AEBP2: variants seen among roughly 807,000 people sequenced by gnomAD.
AEBP2 encodes the protein AE binding protein 2, also known as zinc finger protein AEBP2.
In AEBP2, 10 loss-of-function variants were observed where a neutral mutation model predicts 50.8. That is an observed-to-expected ratio of 0.20 (90% CI 0.12 to 0.33). The LOEUF (loss-of-function observed/expected upper bound fraction) is 0.33. AEBP2 is among the 10% of genes least tolerant of loss of function. AEBP2 has a pLI of 1.00. For missense variants in AEBP2, 570 were observed against 688.0 expected (o/e 0.83, Z 1.92); for synonymous variants, 296 against 261.3 (o/e 1.13, Z -1.28).
rs542922548 is a variant in AEBP2 at position 19,419,583 on chromosome 12, C to T, written c.-17+15367C>T. ...CAGCCTGGGCGACAGAGAGAGACTCCGTCTCAAAAAATAATAATAAAAAAA... is the reference window on the plus strand; with the variant it reads ...CAGCCTGGGCGACAGAGAGAGACTCTGTCTCAAAAAATAATAATAAAAAAA... On this transcript the variant is annotated intron_variant, in intron 1 of 3. Coordinates refer to the AEBP2 transcript ENST00000538425. Among the ~76,000 whole-genome samples the T allele has an allele frequency of 2.7e-5, 4 of 149,080 alleles. No homozygotes were observed. The South Asian group carries it at 6.4e-4, about 24-fold the overall frequency.
At chr12:19,435,657 G>A (rs931979075), upstream of AEBP2, among the ~76,000 whole-genome samples, 5 of 151,998 alleles carry the variant, frequency 3.3e-5, no homozygotes, top group East Asian at 1.9e-4. Context: ...ATGCTTTTCC[G>A]TATATTGCTT....
intron 4 of AEBP2, among the ~76,000 whole-genome samples, chr12:19,495,460 A>T (rs910422307): frequency 6.6e-6 from 1 of 152,162 alleles, no homozygotes; most frequent in African/African-American, 2.4e-5. Context: ...AACAAACCAG[A>T]AAACTTTATA....
intron 1 of AEBP2, among the ~76,000 whole-genome samples, chr12:19,428,039 C>A (rs1318011014): frequency 6.6e-6 from 1 of 151,950 alleles, no homozygotes; most frequent in Non-Finnish European, 1.5e-5. Context: ...GAGTTCGAGA[C>A]CAGCCTGGGC....
chr12:19,487,091 A>G (rs989322076), intron 3 of AEBP2, among the ~76,000 whole-genome samples: 4 of 152,134 alleles, frequency 2.6e-5, no homozygotes, highest in African/African-American at 4.8e-5. Flanking sequence ...TGCCTATTCA[A>G]GTCTTTGCCA....
At chr12:19,473,656 T>C (rs1417982447) in intron 3 of AEBP2, among the ~76,000 whole-genome samples, 1 of 152,206 alleles carries the variant, frequency 6.6e-6, no homozygotes, top group Non-Finnish European at 1.5e-5. Flanking sequence ...TTCTCCCGCC[T>C]TGGCCACCCA....
intron 3 of AEBP2, among the ~76,000 whole-genome samples, chr12:19,485,740 A>G (rs16915522): frequency 0.049 from 7,431 of 150,334 alleles, 415 homozygotes; most frequent in Admixed American, 0.14. Context: ...GCAGGCCTCT[A>G]TACTCAGGGA....
rs1948290325 is a variant in AEBP2, at chr12:19,457,433, G to A, written c.672-5077G>A. On this transcript the variant is annotated intron_variant, in intron 1 of 7. Coordinates refer to ENST00000266508, the MANE Select transcript of AEBP2 (RefSeq NM_153207.5). ...CAAATTTCCACAAGGAGGTATTAAT[G>A]GTGATACCACGTTCACGCTCAGCTT... The A allele has an allele frequency of 2.6e-6, 4 of 1,516,974 alleles. No individual in the cohort carries two copies. The South Asian group carries it at 4.8e-5, about 18-fold the overall frequency. The allele number at this position is 1,516,974 out of a possible 1,614,324, so 94.0% of individuals were successfully genotyped here.
chr12:19,471,194 T>C (rs11044582), intron 2 of AEBP2, among the ~76,000 whole-genome samples: 3,203 of 152,108 alleles, frequency 0.021, 41 homozygotes, highest in East Asian at 0.042. Flanking sequence ...TAGCAGTTCA[T>C]TGTAGCCTTG....
intron 1 of AEBP2, among the ~76,000 whole-genome samples, chr12:19,409,785 ATCT>A (rs1334613354): frequency 4.6e-5 from 7 of 152,212 alleles, no homozygotes; most frequent in African/African-American, 1.7e-4. Flanking sequence ...TTGCCTAGGA[ATCT>A]TCTTTTCTAA....
chr12:19,475,789 T>C (rs78415539), intron 3 of AEBP2, among the ~76,000 whole-genome samples: 3,273 of 152,308 alleles, frequency 0.021, 41 homozygotes, highest in East Asian at 0.042. Flanking sequence ...GCCATTATTG[T>C]AGGAATAAGG....
intron 3 of AEBP2, among the ~76,000 whole-genome samples, chr12:19,488,292 T>C (rs1442890391): frequency 7.2e-6 from 1 of 139,814 alleles, no homozygotes; most frequent in Non-Finnish European, 1.6e-5. Context: ...ATTTTTGTAT[T>C]TTTTTTTTTT....
intron 3 of AEBP2, among the ~76,000 whole-genome samples, chr12:19,474,807 C>T (rs1437058389): frequency 2.6e-5 from 4 of 151,584 alleles, no homozygotes; most frequent in Non-Finnish European, 5.9e-5. Flanking sequence ...TTTTTTCCCC[C>T]CTCAAGATGG....
chr12:19,491,318 G>C (rs1311554900), intron 3 of AEBP2, among the ~76,000 whole-genome samples: 1 of 152,180 alleles, frequency 6.6e-6, no homozygotes, highest in Non-Finnish European at 1.5e-5. Context: ...TCTTAGGGTT[G>C]TTGTATGAAT....
chr12:19,457,073 C>G, intron 1 of AEBP2: 1 of 1,606,322 alleles, frequency 6.2e-7, no homozygotes, highest in Non-Finnish European at 8.5e-7. Context: ...ACAAATGCTT[C>G]TGTGTCGGGG....
At chr12:19,463,864 C>T (rs1329055190) in intron 2 of AEBP2, among the ~76,000 whole-genome samples, 1 of 151,892 alleles carries the variant, frequency 6.6e-6, no homozygotes, top group Admixed American at 6.6e-5. Flanking sequence ...TGAGGTTTTG[C>T]CATGTTGGCC....
chr12:19,424,613 G>T (rs2095747584), intron 1 of AEBP2, among the ~76,000 whole-genome samples: 2 of 151,314 alleles, frequency 1.3e-5, no homozygotes, highest in South Asian at 4.2e-4. Flanking sequence ...AGCCAGGATG[G>T]TCTCGATCTC....
chr12:19,469,888 G>A (rs1948544298), intron 2 of AEBP2, among the ~76,000 whole-genome samples: 2 of 152,100 alleles, frequency 1.3e-5, no homozygotes, highest in Admixed American at 1.3e-4. Flanking sequence ...GAAGAACCAT[G>A]GCAAATTATA....
intron 1 of AEBP2, among the ~76,000 whole-genome samples, chr12:19,420,391 T>C (rs2095745035): frequency 7.3e-6 from 1 of 136,668 alleles, no homozygotes; most frequent in Admixed American, 8.6e-5. Context: ...TGGAGTACGA[T>C]GGTGCTATCT....
intron 4 of AEBP2, among the ~76,000 whole-genome samples, chr12:19,499,027 GAAA>G (rs1430998234): frequency 6.6e-6 from 1 of 151,804 alleles, no homozygotes; most frequent in African/African-American, 2.4e-5. Flanking sequence ...AAAAGAAAAA[GAAA>G]AAAACCAGTT....
Sources: gnomAD v4.1 joint callset for allele counts (sites outside exome capture counted in the v4.1 genomes callset) on GRCh38, gnomAD v4.1.1 for gene constraint, MANE v1.5 for transcripts, NCBI Gene and HGNC (gene_info 2026-07-23, HGNC 2026-07-21) for gene names.